Variants in KCNJ6 observed in about 807,000 individuals in gnomAD.
KCNJ6 encodes G protein-activated inward rectifier potassium channel 2.
KCNJ6 carries 9 observed loss-of-function variants against 34.2 expected under a neutral mutation model. That is an observed-to-expected ratio of 0.26 (90% CI 0.16 to 0.46). The LOEUF is 0.46. KCNJ6 is among the 20% of genes least tolerant of loss of function. The pLI is 1.00. For synonymous variants in KCNJ6, 196 were observed against 207.1 expected (o/e 0.95, Z 0.46); for missense variants, 236 against 531.3 (o/e 0.44, Z 5.46).
At chr21:37,895,102 C>A (rs185804062) in intron 1 of KCNJ6, among the ~76,000 whole-genome samples, 3 of 152,292 alleles carry the variant, frequency 2.0e-5, no homozygotes, top group East Asian at 3.9e-4. Flanking sequence ...ACTAAAATGA[C>A]ATATGCTAAG....
intron 2 of KCNJ6, among the ~76,000 whole-genome samples, chr21:37,789,112 C>T (rs1484054313): frequency 2.6e-5 from 4 of 152,128 alleles, no homozygotes; most frequent in Non-Finnish European, 5.9e-5. Context: ...GGAAGTTGGT[C>T]AAAAAATTCT....
intron 2 of KCNJ6, among the ~76,000 whole-genome samples, chr21:37,801,362 G>C (rs565302205): frequency 6.6e-6 from 1 of 152,298 alleles, no homozygotes; most frequent in South Asian, 2.1e-4. Context: ...ATGCCATCTG[G>C]AGAACCCCAT....
At chr21:37,886,729 G>A (rs2055737269) in intron 1 of KCNJ6, among the ~76,000 whole-genome samples, 1 of 152,070 alleles carries the variant, frequency 6.6e-6, no homozygotes, top group Non-Finnish European at 1.5e-5. Context: ...CAACTCTTCA[G>A]CCTCCTTCAA....
At chr21:37,663,717 T>C (rs907427762) in intron 3 of KCNJ6, among the ~76,000 whole-genome samples, 8 of 152,162 alleles carry the variant, frequency 5.3e-5, no homozygotes, top group Admixed American at 2.0e-4. Context: ...CATCTAATAA[T>C]ACAGTTTCAC....
chr21:37,718,409 G>C (rs2054805608), intron 2 of KCNJ6, among the ~76,000 whole-genome samples: 1 of 152,184 alleles, frequency 6.6e-6, no homozygotes, highest in Admixed American at 6.5e-5. Flanking sequence ...AGTGGTCAGG[G>C]GGAATGGTTG....
chr21:37,635,483 G>T (rs936273784), intron 3 of KCNJ6, among the ~76,000 whole-genome samples: 3 of 151,842 alleles, frequency 2.0e-5, no homozygotes. Context: ...CTCCCAAAGT[G>T]CTGGGATTAC....
chr21:37,696,681 A>T (rs1034360399), intron 3 of KCNJ6, among the ~76,000 whole-genome samples: 1 of 152,208 alleles, frequency 6.6e-6, no homozygotes, highest in Non-Finnish European at 1.5e-5. Flanking sequence ...CAGATTAGAT[A>T]TAGTAGCATT....
At chr21:37,648,136 C>T (rs1199821035) in intron 3 of KCNJ6, among the ~76,000 whole-genome samples, 2 of 151,854 alleles carry the variant, frequency 1.3e-5, no homozygotes, top group African/African-American at 4.8e-5. Context: ...CAGGCTGAAG[C>T]ACAGCTGGTA....
At chr21:37,781,291 A>G (rs1426915728) in intron 2 of KCNJ6, among the ~76,000 whole-genome samples, 1 of 152,172 alleles carries the variant, frequency 6.6e-6, no homozygotes, top group African/African-American at 2.4e-5. Flanking sequence ...TGTGACAAAT[A>G]TTTTCGTGTG....
intron 3 of KCNJ6, among the ~76,000 whole-genome samples, chr21:37,630,086 CAACT>C (rs1482184335): frequency 1.4e-5 from 2 of 140,318 alleles, no homozygotes; most frequent in African/African-American, 5.3e-5. Flanking sequence ...AAAATAAAAC[CAACT>C]GAGTTAGCCT....
rs753294184 is a variant in KCNJ6, at chr21:37,621,382, C to T, written c.*3777G>A. The T allele has an allele frequency of 6.6e-6, 1 of 152,172 alleles. No individual in the cohort carries two copies. Among genetic ancestry groups the T allele is most frequent in the Non-Finnish European group, 1.5e-5 (1 of 68,030 alleles). 9.4% of individuals were successfully genotyped at this position (152,172 alleles called of 1,614,324 possible). A position where few individuals can be genotyped will look rare whatever the true frequency, so the allele number is the denominator to read the frequency against. ...GCCCCCTTTCTCTGTCCACCAGTTC[C>T]CACCTTTGTAAGCAGTTTCTAAATA... On this transcript the variant is annotated 3_prime_UTR_variant, in exon 4 of 4. Transcript: ENST00000609713.
chr21:37,888,099 C>A (rs1367621499), intron 1 of KCNJ6, among the ~76,000 whole-genome samples: 1 of 152,216 alleles, frequency 6.6e-6, no homozygotes, highest in Admixed American at 6.5e-5. Flanking sequence ...ATGACAGGCC[C>A]ATGAAAACCA....
At chr21:37,783,286 C>G (rs2055178182) in intron 2 of KCNJ6, among the ~76,000 whole-genome samples, 1 of 152,190 alleles carries the variant, frequency 6.6e-6, no homozygotes, top group South Asian at 2.1e-4. Context: ...ACCCAAATCT[C>G]ATCTTGAATT....
intron 2 of KCNJ6, among the ~76,000 whole-genome samples, chr21:37,776,943 CT>C (rs1434749082): frequency 1.3e-5 from 2 of 152,108 alleles, no homozygotes; most frequent in African/African-American, 2.4e-5. Context: ...CTCCTCGTAC[CT>C]CTGGTAGAAT....
chr21:37,906,518 C>A (rs1185681232), intron 1 of KCNJ6, among the ~76,000 whole-genome samples: 1 of 152,218 alleles, frequency 6.6e-6, no homozygotes, highest in Admixed American at 6.5e-5. Flanking sequence ...TTGGCCCTGT[C>A]CTCAGGGTTC....
At chr21:37,724,077 G>A (rs1321197431) in intron 2 of KCNJ6, among the ~76,000 whole-genome samples, 4 of 152,196 alleles carry the variant, frequency 2.6e-5, no homozygotes, top group Non-Finnish European at 4.4e-5. Context: ...AATGAGAAAA[G>A]AGAGGTGGAT....
intron 1 of KCNJ6, among the ~76,000 whole-genome samples, chr21:37,884,280 T>C (rs1416759987): frequency 6.6e-6 from 1 of 152,198 alleles, no homozygotes; most frequent in African/African-American, 2.4e-5. Context: ...CAGTGCCTTC[T>C]GCAGCTTAGA....
At position 37,762,154 on chromosome 21, in the gene KCNJ6, C is replaced by G. The variant is rs527437574; in HGVS notation, c.26-47023G>C. 3.2e-4 allele frequency among the ~76,000 whole-genome samples: 48 copies of G among 152,262 alleles called. No individual in the cohort carries two copies. The South Asian group carries it at 4.6e-3, about 14-fold the overall frequency. On this transcript the variant is annotated intron_variant, in intron 2 of 3. Coordinates refer to ENST00000609713, the MANE Select transcript of KCNJ6 (RefSeq NM_002240.5). ...CTGGGGTCTTGACCAGATAAGAACACCAAATATCCTCTTCCTTTCTCATTA... is the reference window on the plus strand; with the variant it reads ...CTGGGGTCTTGACCAGATAAGAACAGCAAATATCCTCTTCCTTTCTCATTA...
At chr21:37,828,847 C>T (rs937506422) in intron 2 of KCNJ6, among the ~76,000 whole-genome samples, 1 of 152,248 alleles carries the variant, frequency 6.6e-6, no homozygotes, top group Non-Finnish European at 1.5e-5. Context: ...TAGCCATCTA[C>T]TCTGTACCCT....
Sources: allele counts gnomAD v4.1 joint callset (sites outside exome capture counted in the v4.1 genomes callset), GRCh38; gene constraint gnomAD v4.1.1; transcripts MANE v1.5; gene names NCBI Gene and HGNC (gene_info 2026-07-23, HGNC 2026-07-21).